The following CHM variants were observed in gnomAD, a reference collection of about 807,000 sequenced individuals.
CHM encodes CHM Rab escort protein, also known as rab proteins geranylgeranyltransferase component A 1.
CHM carries 10 observed loss-of-function variants against 49.0 expected under a neutral mutation model. That is an observed-to-expected ratio of 0.20 (90% CI 0.13 to 0.35). The LOEUF is 0.35. CHM is among the 10% of genes least tolerant of loss of function. CHM has a pLI of 1.00. For missense variants in CHM, 455 were observed against 478.4 expected, an observed-to-expected ratio of 0.95 and a Z score of 0.46; for synonymous variants, 184 against 167.5, an observed-to-expected ratio of 1.10 and a Z score of -0.76.
intron 2 of CHM, among the ~76,000 whole-genome samples, chrX:86,024,897 T>C (rs1281232106): frequency 9.0e-6 from 1 of 111,529 alleles, no homozygotes; most frequent in Non-Finnish European, 1.9e-5. Context: ...TTGGGTTCTG[T>C]ACATTTTGAG....
chrX:86,024,129 G>C (rs1398219525), intron 2 of CHM, among the ~76,000 whole-genome samples: 1 of 112,053 alleles, frequency 8.9e-6, no homozygotes, highest in Non-Finnish European at 1.9e-5. Flanking sequence ...AGTTAGCCAG[G>C]CTGAGGGGTA....
At chrX:85,908,722 A>T (rs1340888944) in intron 9 of CHM, among the ~76,000 whole-genome samples, 2 of 111,297 alleles carry the variant, frequency 1.8e-5, no homozygotes, top group African/African-American at 3.3e-5. Flanking sequence ...ATGGACAAGA[A>T]GATGATGTTC....
At chrX:85,950,608 GCGAGA>G (rs202230825) in intron 8 of CHM, among the ~76,000 whole-genome samples, 4,563 of 110,684 alleles carry the variant, frequency 0.041, 250 homozygotes, top group African/African-American at 0.14. Flanking sequence ...TTCCAAAAAG[GCGAGA>G]AGAGAAAAGG....
intron 2 of CHM, among the ~76,000 whole-genome samples, chrX:86,016,945 A>G (rs140513407): frequency 2.7e-5 from 3 of 112,680 alleles, no homozygotes; most frequent in Non-Finnish European, 5.6e-5. Context: ...GCCCAAGACC[A>G]TGGAAACCCA....
chrX:85,930,324 G>A (rs1023224705), intron 8 of CHM, among the ~76,000 whole-genome samples: 11 of 110,946 alleles, frequency 9.9e-5, no homozygotes, highest in African/African-American at 3.6e-4. Context: ...GTACTTGCAA[G>A]ACAGGTTTAG....
chrX:85,918,958 T>G (rs369836411), intron 8 of CHM, among the ~76,000 whole-genome samples: 25 of 111,596 alleles, frequency 2.2e-4, no homozygotes, highest in African/African-American at 8.1e-4. Context: ...CTGATGGTGT[T>G]AGATTACTGA....
At chrX:85,979,168 G>A (rs1264105085) in intron 3 of CHM, among the ~76,000 whole-genome samples, 1 of 111,951 alleles carries the variant, frequency 8.9e-6, no homozygotes, top group Non-Finnish European at 1.9e-5. Context: ...ATTCGGACAT[G>A]GCTGTTTGGA....
rs139818457 is a variant in CHM, at chrX:86,011,706, G to A, written c.116+15785C>T. On this transcript the variant is annotated intron_variant, in intron 2 of 14. Transcript: ENST00000357749. ...TTAATGCAATTAAGGATCTTCACAC[G>A]GGAAGATTATCCTGGATTATCCAGG... 6.3e-5 allele frequency among the ~76,000 whole-genome samples: 7 copies of A among 111,504 alleles called. No homozygotes were observed. The East Asian group carries it at 1.7e-3, about 27-fold the overall frequency.
intron 8 of CHM, among the ~76,000 whole-genome samples, chrX:85,947,495 G>T (rs953120283): frequency 1.8e-5 from 2 of 111,393 alleles, no homozygotes; most frequent in African/African-American, 6.5e-5. Context: ...CATCATGATT[G>T]TAAGCTTCTT....
At chrX:86,039,284 ATCT>A (rs1328992138) in intron 1 of CHM, among the ~76,000 whole-genome samples, 2 of 97,152 alleles carry the variant, frequency 2.1e-5, no homozygotes, top group African/African-American at 7.8e-5. Context: ...ACAGCTCAGC[ATCT>A]TCTTAATATG....
At chrX:85,992,826 G>A (rs1310967300) in intron 2 of CHM, among the ~76,000 whole-genome samples, 4 of 112,182 alleles carry the variant, frequency 3.6e-5, no homozygotes, top group African/African-American at 1.3e-4. Context: ...AAGTTGCTTT[G>A]GCAATCAGAT....
intron 2 of CHM, among the ~76,000 whole-genome samples, chrX:85,993,146 C>G (rs993489702): frequency 9.0e-6 from 1 of 111,375 alleles, no homozygotes; most frequent in Non-Finnish European, 1.9e-5. Flanking sequence ...GTTGAAAACA[C>G]AGATCATGAC....
chrX:85,970,965 G>A (rs1324176721), intron 4 of CHM: 20 of 697,667 alleles, frequency 2.9e-5, no homozygotes, highest in Non-Finnish European at 3.1e-5. Flanking sequence ...AATACCCAAC[G>A]TATTAAATTT....
At chrX:85,901,797 T>C (rs1926305149) in intron 9 of CHM, among the ~76,000 whole-genome samples, 1 of 112,120 alleles carries the variant, frequency 8.9e-6, no homozygotes, top group Non-Finnish European at 1.9e-5. Flanking sequence ...CTTTGAAGTG[T>C]TGTTTCCAAA....
intron 3 of CHM, among the ~76,000 whole-genome samples, chrX:85,981,416 T>C (rs1433907287): frequency 5.5e-5 from 6 of 108,452 alleles, no homozygotes; most frequent in Non-Finnish European, 9.6e-5. Context: ...GTATTTTTAG[T>C]AGAAATGGGA....
chrX:85,908,038 C>A (rs1479049879), intron 9 of CHM, among the ~76,000 whole-genome samples: 1 of 111,274 alleles, frequency 9.0e-6, no homozygotes, highest in East Asian at 2.8e-4. Flanking sequence ...ATAAGTAGTT[C>A]TTAACTGTCC....
chrX:85,980,522 T>C (rs892003008), intron 3 of CHM, among the ~76,000 whole-genome samples: 1 of 112,390 alleles, frequency 8.9e-6, no homozygotes, highest in Non-Finnish European at 1.9e-5. Context: ...GTCATGTACA[T>C]TGATTAAATC....
intron 2 of CHM, among the ~76,000 whole-genome samples, chrX:85,999,449 A>G (rs1048114248): frequency 1.8e-5 from 2 of 111,593 alleles, no homozygotes; most frequent in Non-Finnish European, 3.8e-5. Context: ...GGTAGTATAT[A>G]ACAGAACATG....
chrX:85,914,044 A>G (rs978819893), intron 8 of CHM, among the ~76,000 whole-genome samples: 1 of 111,597 alleles, frequency 9.0e-6, no homozygotes, highest in Non-Finnish European at 1.9e-5. Context: ...GGTGAGTGAA[A>G]TAGGCATAGA....
Sources: allele counts gnomAD v4.1 joint callset (sites outside exome capture counted in the v4.1 genomes callset), GRCh38; gene constraint gnomAD v4.1.1; transcripts MANE v1.5; gene names NCBI Gene and HGNC (gene_info 2026-07-23, HGNC 2026-07-21).